The following RBM47 variants were observed in gnomAD, a reference collection of about 807,000 sequenced individuals.
The protein encoded by RBM47 is RNA-binding protein 47.
Under a neutral mutation model 47.1 loss-of-function variants are expected in RBM47, and 21 were observed. The observed-to-expected ratio is 0.45, with a 90% CI of 0.32 to 0.64. The LOEUF is 0.64. Ranked by LOEUF, RBM47 falls within the 30% of genes least tolerant of loss-of-function variation. The pLI is 0.05. For missense variants in RBM47, 708 were observed against 870.9 expected (o/e 0.81, Z 2.35); for synonymous variants, 375 against 361.7 (o/e 1.04, Z -0.42).
At chr4:40,478,707 C>T (rs1408545646) in intron 2 of RBM47, among the ~76,000 whole-genome samples, 1 of 152,108 alleles carries the variant, frequency 6.6e-6, no homozygotes, top group African/African-American at 2.4e-5. Context: ...AGGCTGGTCT[C>T]GAAATGCTAG....
At chr4:40,534,936 GAA>G (rs368062797) in intron 2 of RBM47, among the ~76,000 whole-genome samples, 13 of 96,888 alleles carry the variant, frequency 1.3e-4, no homozygotes, top group East Asian at 2.8e-4. Context: ...CTCCGTCTCA[GAA>G]AAAAAAAAAA....
chr4:40,583,655 G>A (rs1477013372), intron 1 of RBM47, among the ~76,000 whole-genome samples: 1 of 151,578 alleles, frequency 6.6e-6, no homozygotes. Context: ...TCAGGAGATC[G>A]AGACCATCCT....
chr4:40,617,060 G>C (rs1378700025), intron 1 of RBM47, among the ~76,000 whole-genome samples: 3 of 151,548 alleles, frequency 2.0e-5, no homozygotes, highest in East Asian at 3.9e-4. Context: ...ATTTTTAGTA[G>C]AGACAGGATT....
chr4:40,609,371 G>T, intron 1 of RBM47, among the ~76,000 whole-genome samples: 1 of 149,336 alleles, frequency 6.7e-6, no homozygotes, highest in East Asian at 2.0e-4. Flanking sequence ...GGAGTGCAGT[G>T]CCACAATCTT....
intron 1 of RBM47, among the ~76,000 whole-genome samples, chr4:40,579,893 G>A (rs1200645934): frequency 3.3e-5 from 5 of 151,960 alleles, no homozygotes; most frequent in Non-Finnish European, 5.9e-5. Flanking sequence ...GACCACAGGT[G>A]CACACTACCA....
At chr4:40,506,186 T>C (rs1249174225) in intron 2 of RBM47, among the ~76,000 whole-genome samples, 1 of 152,222 alleles carries the variant, frequency 6.6e-6, no homozygotes, top group East Asian at 1.9e-4. Flanking sequence ...CTTTGTTTTG[T>C]TTCTACTCCA....
intron 2 of RBM47, among the ~76,000 whole-genome samples, chr4:40,539,507 G>A (rs1211929534): frequency 3.9e-5 from 6 of 151,994 alleles, no homozygotes; most frequent in African/African-American, 7.2e-5. Flanking sequence ...TTGGGAGGCC[G>A]AGGCAGGTGG....
At chr4:40,427,988 C>T (rs766981141) in intron 6 of RBM47, among the ~76,000 whole-genome samples, 30 of 152,164 alleles carry the variant, frequency 2.0e-4, no homozygotes, top group Middle Eastern at 3.4e-3. Context: ...GCCAGGAGTT[C>T]GAGACCAGCC....
intron 4 of RBM47, among the ~76,000 whole-genome samples, chr4:40,437,093 ATAT>A (rs1560357179): frequency 0.017 from 500 of 29,526 alleles, 70 homozygotes; most frequent in South Asian, 0.047. Flanking sequence ...AAAAAAAAAT[ATAT>A]ATATATATAT....
chr4:40,602,121 T>C (rs922690146), intron 1 of RBM47, among the ~76,000 whole-genome samples: 1 of 151,692 alleles, frequency 6.6e-6, no homozygotes, highest in Admixed American at 6.6e-5. Context: ...TGAGTGGAGA[T>C]TGTACCACTG....
chr4:40,551,627 G>A (rs999800183), intron 1 of RBM47, among the ~76,000 whole-genome samples: 3 of 150,918 alleles, frequency 2.0e-5, no homozygotes, highest in Non-Finnish European at 2.9e-5. Flanking sequence ...GGGAGGGAGG[G>A]AGAATCAAAT....
chr4:40,494,116 C>T (rs190932554), intron 2 of RBM47, among the ~76,000 whole-genome samples: 109 of 152,092 alleles, frequency 7.2e-4, no homozygotes, highest in Admixed American at 2.4e-3. Flanking sequence ...TATGTGATAC[C>T]GGGTAACAGA....
At chr4:40,469,462 C>CGTGA (rs1718525425) in intron 2 of RBM47, among the ~76,000 whole-genome samples, 3 of 138,646 alleles carry the variant, frequency 2.2e-5, no homozygotes, top group African/African-American at 8.1e-5. Flanking sequence ...GAGATGGCGT[C>CGTGA]TCACTCCATC....
chr4:40,562,298 G>T (rs573756190), intron 1 of RBM47, among the ~76,000 whole-genome samples: 1 of 152,198 alleles, frequency 6.6e-6, no homozygotes, highest in South Asian at 2.1e-4. Context: ...GAGGACAGGT[G>T]AAAGTTGATC....
chr4:40,565,959 T>C (rs1731062556), intron 1 of RBM47, among the ~76,000 whole-genome samples: 1 of 151,894 alleles, frequency 6.6e-6, no homozygotes, highest in Non-Finnish European at 1.5e-5. Context: ...TCTCAACTAC[T>C]TGGGAGGCTG....
At position 40,522,393 on chromosome 4, in the gene RBM47, T is replaced by C. The variant is rs1168053984; in HGVS notation, c.-155+22029A>G. 2.0e-5 allele frequency among the ~76,000 whole-genome samples: 3 copies of C among 152,062 alleles called. No individual in the cohort carries two copies. In the East Asian group the frequency reaches 5.8e-4, roughly 29 times the overall value. ...GGTGGCAGGCGCCTGTAATCCCAGA[T>C]ACTCGGGAGGCTGAGGCAGGAGAAT... is the stretch of plus-strand genomic sequence containing the variant. On this transcript the variant is annotated intron_variant, in intron 2 of 6. Coordinates refer to ENST00000295971, the MANE Select transcript of RBM47 (RefSeq NM_001098634.2).
intron 2 of RBM47, among the ~76,000 whole-genome samples, chr4:40,537,984 C>T (rs1343163081): frequency 1.9e-5 from 1 of 52,508 alleles, no homozygotes; most frequent in Non-Finnish European, 3.1e-5. Context: ...GGACTACAGG[C>T]GTGTGCGTGT....
intron 1 of RBM47, among the ~76,000 whole-genome samples, chr4:40,568,178 C>A (rs1239133383): frequency 6.6e-6 from 1 of 151,700 alleles, no homozygotes; most frequent in Non-Finnish European, 1.5e-5. Context: ...GTAATCCCAG[C>A]ACTTTGGGAG....
intron 1 of RBM47, among the ~76,000 whole-genome samples, chr4:40,575,506 C>T (rs1401124567): frequency 3.5e-5 from 5 of 142,106 alleles, no homozygotes; most frequent in East Asian, 2.2e-4. Flanking sequence ...GAGTCGAGAT[C>T]GTGCCACTGC....
Sources: allele counts gnomAD v4.1 joint callset (sites outside exome capture counted in the v4.1 genomes callset), GRCh38; gene constraint gnomAD v4.1.1; transcripts MANE v1.5; gene names NCBI Gene and HGNC (gene_info 2026-07-23, HGNC 2026-07-21).